DUOX1: variants seen among roughly 807,000 people sequenced by gnomAD.
DUOX1 encodes the protein dual oxidase 1.
A neutral mutation model predicts 181.8 loss-of-function variants in DUOX1; 134 were observed. That is an observed-to-expected ratio of 0.74 (90% CI 0.64 to 0.85). DUOX1 has a LOEUF of 0.85. Ranked by LOEUF, DUOX1 falls within the 40% of genes least tolerant of loss-of-function variation. The pLI, the probability that DUOX1 is intolerant of heterozygous loss-of-function variation, is 0.00. For missense variants in DUOX1, 1,814 were observed against 2,064.4 expected, an observed-to-expected ratio of 0.88 and a Z score of 2.35; for synonymous variants, 798 against 832.5, an observed-to-expected ratio of 0.96 and a Z score of 0.71.
chr15:45,148,131 A>G (rs973867767), intron 20 of DUOX1, 134 bp downstream of exon 20: 3 of 1,450,382 alleles, frequency 2.1e-6, no homozygotes, highest in African/African-American at 1.4e-5. Context: ...AGGCTGTTCA[A>G]ACTAGCAGGG....
Position 45,135,308 on chromosome 15 carries a change from G to C in DUOX1, c.495+17G>C. 6.3e-7 allele frequency: 1 copy of C among 1,585,632 alleles called. No homozygotes were observed. On this transcript the variant is annotated intron_variant, in intron 5 of 33. Transcript: ENST00000389037. ...CGGGACCCGGTGAGGCGGGGAAGGC[G>C]GCGGGAAGGGACCGCACCCCAGCCA...
rs564497575 is a variant in DUOX1 at position 45,134,830 on chromosome 15, C to T, written c.308-274C>T. On this transcript the variant is annotated intron_variant, in intron 4 of 33. Transcript: ENST00000389037. ...CTGCTGCGTTTTGGAGCTGGTGCTG[C>T]CGGCCCGTTTGCCTAGGCACACTCA... 4.6e-5 allele frequency among the ~76,000 whole-genome samples: 7 copies of T among 152,258 alleles called. No homozygotes were observed. The East Asian group carries it at 1.4e-3, about 29-fold the overall frequency.
chr15:45,136,208 C>T lies in DUOX1; in HGVS notation c.865-142C>T, dbSNP rs1173601607. 12 of 1,419,304 alleles carry T rather than the reference C, an allele frequency of 8.5e-6. No homozygotes were observed. The Admixed American group carries it at 2.4e-4, about 29-fold the overall frequency. The allele number at this position is 1,419,304 out of a possible 1,614,324, so 87.9% of individuals were successfully genotyped here. A position where few individuals can be genotyped will look rare whatever the true frequency, so the allele number is the denominator to read the frequency against. ...TGGTTCCTTGTGGGGACAGGCCTCA[C>T]ACTGCTCCTGTTTGAGTTGCTTCTC... On this transcript the variant is annotated intron_variant, in intron 7 of 33. Transcript: ENST00000389037.
At chr15:45,164,658 C>A (rs1897183563) in intron 33 of DUOX1, 121 bp from the exon 34 acceptor site, 1 of 1,068,022 alleles carries the variant, frequency 9.4e-7, no homozygotes, top group South Asian at 1.5e-5. Context: ...AAATTAGAGT[C>A]AGGGATGTTG....
In DUOX1 at chr15:45,142,018, G is replaced by A; in HGVS notation, c.1728G>A (p.Leu576=). Residue 576 remains leucine (L), a synonymous_variant, in exon 15 of 34, where the codon CTG becomes CTA. Transcript: ENST00000389037. ...PQPRQLSTEG[L]PACAPSVVRD... is the part of the protein sequence containing the mutation. ...CGAGACAGCTCAGCACTGAAGGCCT[G>A]CCAGCGTGTGCTCCCTCTGTTGTTC... 1 of 1,613,808 alleles carries A rather than the reference G, an allele frequency of 6.2e-7. No homozygotes were observed. The highest frequency in any genetic ancestry group is 1.7e-5 in the Admixed American group (1 of 60,018).
intron 29 of DUOX1, 137 bp from the exon 30 acceptor site, chr15:45,161,601 A>G (rs1415253575): frequency 1.3e-6 from 1 of 757,786 alleles, no homozygotes; most frequent in Admixed American, 2.3e-5. Flanking sequence ...GGGCCCCCAC[A>G]GGGTGAGCTT....
intron 20 of DUOX1, 84 bp from the exon 21 acceptor site, chr15:45,148,188 A>C (rs1896704642): frequency 1.9e-6 from 3 of 1,588,282 alleles, no homozygotes; most frequent in Non-Finnish European, 1.7e-6. Flanking sequence ...GGCACAGAGA[A>C]CTTGGTGCGA....
At chr15:45,139,628 G>T in intron 12 of DUOX1, 29 bp downstream of exon 12, 1 of 1,513,408 alleles carries the variant, frequency 6.6e-7, no homozygotes, top group South Asian at 1.3e-5. Flanking sequence ...CCAGAGGGTA[G>T]GGCGGGAGGG....
intron 22 of DUOX1, 23 bp from the exon 23 acceptor site, chr15:45,151,100 A>G (rs1595588746): frequency 1.9e-6 from 3 of 1,613,450 alleles, no homozygotes; most frequent in Non-Finnish European, 2.5e-6. Context: ...CCAGCATCCT[A>G]TCTCTTACCA....
intron 4 of DUOX1, 43 bp from the exon 5 acceptor site, chr15:45,135,061 G>A (rs1896252867): frequency 2.5e-6 from 4 of 1,595,368 alleles, no homozygotes; most frequent in Non-Finnish European, 3.4e-6. Context: ...GAAGGAAAGT[G>A]GCCCTCTGCT....
In DUOX1 at chr15:45,153,484, G is replaced by A. The variant is rs369616082; in HGVS notation, c.3524+5G>A. On this transcript the variant is annotated splice_donor_5th_base_variant and intron_variant, in intron 26 of 33. Transcript: ENST00000389037. ...TGGCCTCTTCCATGATGATGGGTGA[G>A]TAAGTGCGAATGTGTGTGTGTGTGT... is the stretch of plus-strand genomic sequence containing the variant. 3 of 1,582,556 alleles carry A rather than the reference G, an allele frequency of 1.9e-6. No homozygotes were observed. The highest frequency in any genetic ancestry group is 2.2e-5 in the East Asian group (1 of 44,662).
intron 18 of DUOX1, 28 bp from the exon 19 acceptor site, chr15:45,147,405 C>G (rs1896680966): frequency 1.1e-5 from 18 of 1,606,828 alleles, no homozygotes; most frequent in Non-Finnish European, 1.4e-5. Flanking sequence ...TGTCTCCTCT[C>G]CCTCCCTCTG....
intron 27 of DUOX1, 87 bp from the exon 28 acceptor site, chr15:45,155,715 G>A: frequency 6.3e-7 from 1 of 1,589,352 alleles, no homozygotes; most frequent in South Asian, 1.1e-5. Context: ...CTTGGGCAGT[G>A]GAGTGGAGAG....
chr15:45,135,332 C>A (rs56351200), intron 5 of DUOX1, 41 bp downstream of exon 5: 334,475 of 1,541,724 alleles, frequency 0.22, 38,202 homozygotes, highest in South Asian at 0.34. Context: ...GCACCCCAGC[C>A]AGGTGGGACC....
chr15:45,140,004 G>T, intron 12 of DUOX1: 1 of 1,171,426 alleles, frequency 8.5e-7, no homozygotes, highest in Non-Finnish European at 1.2e-6. Context: ...TGGACTGGTG[G>T]CCCAGGCCAA....
At chr15:45,160,308 G>A (rs1157213336) in intron 28 of DUOX1, among the ~76,000 whole-genome samples, 1 of 152,188 alleles carries the variant, frequency 6.6e-6, no homozygotes, top group Non-Finnish European at 1.5e-5. Context: ...GGAAGAACCA[G>A]GAGAAGGGCA....
intron 28 of DUOX1, among the ~76,000 whole-genome samples, chr15:45,157,918 C>A (rs1001565531): frequency 1.3e-5 from 2 of 152,018 alleles, no homozygotes; most frequent in African/African-American, 2.4e-5. Flanking sequence ...TCAGGGAGAT[C>A]AGGGCAAGAG....
At position 45,147,606 on chromosome 15, in the gene DUOX1, T is replaced by C. The variant is rs751036011; in HGVS notation, c.2496T>C (p.Asn832=). ...TCTCTCTGGCTGACAAGGATGGCAA[T>C]GGCTACCTGTCCTTCCGAGAGTTCC... The part of the protein sequence containing the change: ...SMFSLADKDG[N]GYLSFREFLD... The change falls in exon 19 of 34, where the codon AAT becomes AAC. Residue 832 remains asparagine (N), a synonymous_variant. Coordinates refer to ENST00000389037, the MANE Select transcript of DUOX1 (RefSeq NM_175940.3). 3.3e-5 allele frequency: 54 copies of C among 1,614,032 alleles called. No homozygotes were observed. The highest frequency in any genetic ancestry group is 4.5e-5 in the Non-Finnish European group (53 of 1,180,026).
Position 45,139,527 on chromosome 15 carries a change from G to A in DUOX1, c.1317G>A (p.Arg439=). The change falls in exon 12 of 34, where the codon AGG becomes AGA. Residue 439 remains arginine, a synonymous_variant. Transcript: ENST00000389037. ...DLGLPSYTKA[R]AALGLSPITR... is the part of the protein sequence containing the mutation. ...GCCTGCCCTCTTACACCAAGGCCAGGGCAGCACTGGGCTTGTCTCCCATTA... is the reference window on the plus strand; with the variant it reads ...GCCTGCCCTCTTACACCAAGGCCAGAGCAGCACTGGGCTTGTCTCCCATTA... 6.2e-7 allele frequency: 1 copy of A among 1,613,204 alleles called. No homozygotes were observed. Among genetic ancestry groups the A allele is most frequent in the Non-Finnish European group, 8.5e-7 (1 of 1,179,722 alleles).
Sources: gnomAD v4.1 joint callset for allele counts (sites outside exome capture counted in the v4.1 genomes callset) on GRCh38, gnomAD v4.1.1 for gene constraint, MANE v1.5 for transcripts, NCBI Gene and HGNC (gene_info 2026-07-23, HGNC 2026-07-21) for gene names.